Variants in DNAAF3 observed in about 807,000 individuals in gnomAD.
The protein encoded by DNAAF3 is dynein axonemal assembly factor 3.
Under a neutral mutation model 50.9 loss-of-function variants are expected in DNAAF3, and 40 were observed. That is an observed-to-expected ratio of 0.79 (90% CI 0.61 to 1.02). The LOEUF (loss-of-function observed/expected upper bound fraction) is 1.02. Among genes scored for constraint, DNAAF3 ranks in the 50% least tolerant of loss-of-function variants. The probability of loss-of-function intolerance (pLI) is 0.00; values close to 1 mark genes in which losing one functional copy is unlikely to be tolerated. For missense variants in DNAAF3, 763 were observed against 744.7 expected (o/e 1.02, Z -0.29); for synonymous variants, 327 against 322.8 (o/e 1.01, Z -0.14).
chr19:55,164,138 T>C (rs1182025040), intron 4 of DNAAF3, among the ~76,000 whole-genome samples: 1 of 152,076 alleles, frequency 6.6e-6, no homozygotes, highest in African/African-American at 2.4e-5. Flanking sequence ...CCTGAGGCCT[T>C]CCCAGCCATA....
chr19:55,163,010 T>TC (rs1337229791), intron 4 of DNAAF3, among the ~76,000 whole-genome samples: 1 of 109,952 alleles, frequency 9.1e-6, no homozygotes, highest in Admixed American at 8.5e-5. Context: ...TTTTTTTTTT[T>TC]TTTTTTTTTT....
chr19:55,160,846 CCT>C lies in DNAAF3; in HGVS notation c.913-73_913-72del. The C allele has an allele frequency of 6.4e-7, 1 of 1,555,310 alleles. No homozygotes were observed. Among genetic ancestry groups the C allele is most frequent in the Non-Finnish European group, 8.6e-7 (1 of 1,159,624 alleles). ...GGGCGGGGCTTAGAACGCTGGGAGT[CCT>C]CGGTCCAGGACTAGAACTCCCGCAG... On this transcript the variant is annotated intron_variant, in intron 8 of 11. Transcript: ENST00000524407. This position sits in a 1 kb window ranked among gnomAD's most constrained non-coding sequence, Gnocchi z 4.7.
In DNAAF3 at chr19:55,166,209, G is replaced by A. The variant is rs985205420; in HGVS notation, c.85+120C>T. The A allele has an allele frequency of 4.5e-6, 7 of 1,547,558 alleles. No individual in the cohort carries two copies. In the African/African-American group the frequency reaches 6.9e-5, roughly 15 times the overall value. ...CCTGGGAGCGCGCCCTCTGCCGCTG[G>A]AGCGTTGGAGAACGTTAGCGCCCCC... On this transcript the variant is annotated intron_variant, in intron 2 of 11. Transcript: ENST00000524407. The surrounding 1 kb of genome is among the most constrained non-coding windows in gnomAD (Gnocchi z 4.0).
rs2085922430 is a variant in DNAAF3, at chr19:55,165,443, A to G, written c.249T>C (p.Asn83=). ...GCATGTGTCGGGCCACAGCTTCCAG[A>G]TTATTCTCCAGCACAAAGAACTAGA... is the stretch of plus-strand genomic sequence containing the variant. ...RRFNFFVLEN[N]LEAVARHMLI... is the part of the protein sequence containing the mutation. Residue 83 remains asparagine, a synonymous_variant, in exon 4 of 12, where the codon AAT becomes AAC. Coordinates refer to ENST00000524407, the MANE Select transcript of DNAAF3 (RefSeq NM_001256715.2). The G allele has an allele frequency of 6.2e-7, 1 of 1,613,928 alleles. No individual in the cohort carries two copies. Among genetic ancestry groups the G allele is most frequent in the African/African-American group, 1.3e-5 (1 of 74,882 alleles).
Position 55,161,324 on chromosome 19 carries a change from C to T in DNAAF3, c.758G>A (p.Arg253Gln). 1 of 1,611,278 alleles carries T rather than the reference C, an allele frequency of 6.2e-7. No individual in the cohort carries two copies. The highest frequency in any genetic ancestry group is 8.5e-7 in the Non-Finnish European group (1 of 1,179,032). The change falls in exon 7 of 12, where the codon CGG (arginine) becomes CAG (glutamine). Residue 253 changes from arginine to glutamine, a missense_variant. Coordinates refer to ENST00000524407, the MANE Select transcript of DNAAF3 (RefSeq NM_001256715.2). This position sits in a 1 kb window ranked among gnomAD's most constrained non-coding sequence, Gnocchi z 6.4. ...CAGGAGGCGACCGGACGCCAGGGTCCGGTTGGGCACATGATAGGCGCTGGA... is the reference window on the plus strand; with the variant it reads ...CAGGAGGCGACCGGACGCCAGGGTCTGGTTGGGCACATGATAGGCGCTGGA... ...RDSSAYHVPNRTLASGRLLSY... is the reference protein window; with the variant it reads ...RDSSAYHVPNQTLASGRLLSY...
chr19:55,166,133 C>T lies in DNAAF3; in HGVS notation c.86-133G>A. On this transcript the variant is annotated intron_variant, in intron 2 of 11. Coordinates refer to ENST00000524407, the MANE Select transcript of DNAAF3 (RefSeq NM_001256715.2). The surrounding 1 kb of genome is among the most constrained non-coding windows in gnomAD (Gnocchi z 4.0). ...GCCTAGGTTCTAAGGGGAGGTGTTT[C>T]CTCTGAGTATTCTGGGATTCGCAGT... is the stretch of plus-strand genomic sequence containing the variant. The T allele has an allele frequency of 1.3e-6, 2 of 1,563,130 alleles. No individual in the cohort carries two copies. Among genetic ancestry groups the T allele is most frequent in the South Asian group, 1.2e-5 (1 of 85,790 alleles).
intron 3 of DNAAF3, 86 bp from the exon 4 acceptor site, chr19:55,165,549 C>T (rs1426666336): frequency 1.5e-6 from 2 of 1,319,626 alleles, no homozygotes; most frequent in Admixed American, 1.9e-5. Context: ...TCAGCTCTCT[C>T]CTTCCACACA....
In DNAAF3 at chr19:55,165,375, A is replaced by T. The variant is rs770755261; in HGVS notation, c.317T>A (p.Leu106Gln). The T allele has an allele frequency of 5.6e-6, 9 of 1,614,060 alleles. No individual in the cohort carries two copies. The East Asian group carries it at 1.8e-4, about 32-fold the overall frequency. The change falls in exon 4 of 12, where the codon CTG becomes CAG. Residue 106 changes from leucine (L) to glutamine (Q), a missense_variant. Transcript: ENST00000524407. The stretch of plus-strand genomic sequence containing the variant: ...CCTGGGTCCTAGCAACAGACCTTGC[A>T]GCCCCATCTTCTCCGGTTCCTCCAG... Reference protein sequence around the residue: ...LALEEPEKMGLQERSETFLEV... With the variant: ...LALEEPEKMGQQERSETFLEV...
At chr19:55,163,209 C>G (rs1014307752) in intron 4 of DNAAF3, among the ~76,000 whole-genome samples, 19 of 151,066 alleles carry the variant, frequency 1.3e-4, no homozygotes, top group African/African-American at 4.6e-4. Flanking sequence ...CGGGGTTTCA[C>G]GTGTTAGCCA....
At position 55,165,377 on chromosome 19, in the gene DNAAF3, C is replaced by T; in HGVS notation, c.315G>A (p.Gly105=). 6.2e-7 allele frequency: 1 copy of T among 1,614,124 alleles called. No homozygotes were observed. The highest frequency in any genetic ancestry group is 8.5e-7 in the Non-Finnish European group (1 of 1,179,982). Residue 105 remains glycine (G), a synonymous_variant, in exon 4 of 12, where the codon GGG becomes GGA. Transcript: ENST00000524407. The part of the protein sequence containing the change: ...SLALEEPEKM[G]LQERSETFLE... ...TGGGTCCTAGCAACAGACCTTGCAGCCCCATCTTCTCCGGTTCCTCCAGGG... is the reference window on the plus strand; with the variant it reads ...TGGGTCCTAGCAACAGACCTTGCAGTCCCATCTTCTCCGGTTCCTCCAGGG...
chr19:55,166,264 T>G lies in DNAAF3; in HGVS notation c.85+65A>C. On this transcript the variant is annotated intron_variant, in intron 2 of 11. Transcript: ENST00000524407. The surrounding 1 kb of genome is among the most constrained non-coding windows in gnomAD (Gnocchi z 4.0). ...CCACCGACGCTGGGACTACGAGCTCTAAAAGGCCGTCTGCTCAGGCTGGGA... is the reference window on the plus strand; with the variant it reads ...CCACCGACGCTGGGACTACGAGCTCGAAAAGGCCGTCTGCTCAGGCTGGGA... The G allele has an allele frequency of 6.3e-7, 1 of 1,583,134 alleles. No homozygotes were observed. Among genetic ancestry groups the G allele is most frequent in the Non-Finnish European group, 8.6e-7 (1 of 1,164,642 alleles).
rs1300095427 is a variant in DNAAF3 at position 55,163,272 on chromosome 19, T to A, written c.323-982A>T. On this transcript the variant is annotated intron_variant, in intron 4 of 11. Coordinates refer to ENST00000524407, the MANE Select transcript of DNAAF3 (RefSeq NM_001256715.2). Reference sequence around the variant, plus strand: ...ATCCACCCGCCTCAGCCTCCCAAAGTGCTGGGATTACAGGCGTGAGCCATC... The same window carrying A: ...ATCCACCCGCCTCAGCCTCCCAAAGAGCTGGGATTACAGGCGTGAGCCATC... Among the ~76,000 whole-genome samples, 3 of 150,058 alleles carry A rather than the reference T, an allele frequency of 2.0e-5. No individual in the cohort carries two copies. The East Asian group carries it at 5.8e-4, about 29-fold the overall frequency.
rs371072227 is a variant in DNAAF3, at chr19:55,159,620, C to T, written c.1164-13G>A. On this transcript the variant is annotated splice_polypyrimidine_tract_variant and intron_variant, in intron 10 of 11. Coordinates refer to ENST00000524407, the MANE Select transcript of DNAAF3 (RefSeq NM_001256715.2). ...AAGATGGACCATACTGCAGAGAGGACGGAGGACAGGCTGAGATTCAGCTCC... is the reference window on the plus strand; with the variant it reads ...AAGATGGACCATACTGCAGAGAGGATGGAGGACAGGCTGAGATTCAGCTCC... 9 of 1,612,428 alleles carry T rather than the reference C, an allele frequency of 5.6e-6. No homozygotes were observed. The highest frequency in any genetic ancestry group is 2.2e-5 in the East Asian group (1 of 44,882).
chr19:55,162,752 G>A, intron 4 of DNAAF3: 2 of 895,840 alleles, frequency 2.2e-6, no homozygotes, highest in Non-Finnish European at 2.7e-6. Context: ...CATATTATAG[G>A]TAATCTAGAG....
At chr19:55,165,719 C>G (rs918498626) in intron 3 of DNAAF3, 139 bp downstream of exon 3, 8 of 1,424,014 alleles carry the variant, frequency 5.6e-6, no homozygotes, top group African/African-American at 4.3e-5. Context: ...CAAGACGCAT[C>G]GGTTCGCTCC....
Position 55,159,311 on chromosome 19 carries a change from T to G in DNAAF3, c.1377A>C (p.Glu459Asp), listed in dbSNP as rs372161739. 1 of 1,614,144 alleles carries G rather than the reference T, an allele frequency of 6.2e-7. No individual in the cohort carries two copies. Among genetic ancestry groups the G allele is most frequent in the East Asian group, 2.2e-5 (1 of 44,886 alleles). The change falls in exon 12 of 12, where the codon GAA (glutamate) becomes GAC (aspartate). Residue 459 changes from glutamate (E) to aspartate (D), a missense_variant. Physicochemically the swap from Glu to Asp is conservative, Grantham distance 45. Transcript: ENST00000524407. The part of the protein sequence containing the change: ...ETFARFCKSQ[E>D]SALGNTVPAV... ...CTGGGACAGTGTTGCCCAGAGCTGA[T>G]TCCTGGGACTTGCAGAAACGTGCGA...
rs1001492087 is a variant in DNAAF3, at chr19:55,161,663, T to G, written c.643A>C (p.Met215Leu). Residue 215 changes from methionine (M) to leucine (L), a missense_variant, in exon 6 of 12, where the codon ATG becomes CTG. Coordinates refer to ENST00000524407, the MANE Select transcript of DNAAF3 (RefSeq NM_001256715.2). This position sits in a 1 kb window ranked among gnomAD's most constrained non-coding sequence, Gnocchi z 6.4. ...RRGVSDWDLRMKLHDRGAQVI... is the reference protein window; with the variant it reads ...RRGVSDWDLRLKLHDRGAQVI... Reference sequence around the variant, plus strand: ...CTCACCCCGCGGTCATGCAGCTTCATGCGCAGGTCCCAGTCGCTGACACCG... The same window carrying G: ...CTCACCCCGCGGTCATGCAGCTTCAGGCGCAGGTCCCAGTCGCTGACACCG... 11 of 1,538,840 alleles carry G rather than the reference T, an allele frequency of 7.1e-6. No individual in the cohort carries two copies. The highest frequency in any genetic ancestry group is 2.3e-4 in the Middle Eastern group (1 of 4,374).
chr19:55,162,217 G>T lies in DNAAF3; in HGVS notation c.396C>A (p.Ala132=). The T allele has an allele frequency of 8.0e-7, 1 of 1,252,806 alleles. No individual in the cohort carries two copies. Among genetic ancestry groups the T allele is most frequent in the Non-Finnish European group, 1.0e-6 (1 of 990,250 alleles). The allele number at this position is 1,252,806 out of a possible 1,614,324, so 77.6% of individuals were successfully genotyped here. A position where few individuals can be genotyped will look rare whatever the true frequency, so the allele number is the denominator to read the frequency against. ...LRPPVAAFVR[A]QADLLAHLVP... ...CCAGGTGCGCCAGCAGGTCGGCCTG[G>T]GCACGCACGAAGGCGGCCACTGGCG... Residue 132 remains alanine (A), a synonymous_variant, in exon 5 of 12, where the codon GCC becomes GCA. Transcript: ENST00000524407.
At chr19:55,164,151 C>A (rs901318548) in intron 4 of DNAAF3, among the ~76,000 whole-genome samples, 4 of 152,174 alleles carry the variant, frequency 2.6e-5, no homozygotes, top group Non-Finnish European at 4.4e-5. Flanking sequence ...CAGCCATACT[C>A]CCTGTACAGC....
Sources: allele counts gnomAD v4.1 joint callset (sites outside exome capture counted in the v4.1 genomes callset), GRCh38; gene constraint gnomAD v4.1.1; non-coding constraint Gnocchi (gnomAD v3.1); transcripts MANE v1.5; gene names NCBI Gene and HGNC (gene_info 2026-07-23, HGNC 2026-07-21).